The following RMND5A variants were observed in gnomAD, a reference collection of about 807,000 sequenced individuals.
RMND5A encodes the protein required for meiotic nuclear division 5 homolog A.
In RMND5A, 17 loss-of-function variants were observed where a neutral mutation model predicts 49.7. The ratio of observed to expected loss-of-function variants is 0.34; its 90% CI spans 0.23 to 0.51. The LOEUF (loss-of-function observed/expected upper bound fraction) is 0.51. RMND5A is among the 20% of genes least tolerant of loss of function. The pLI, the probability that RMND5A is intolerant of heterozygous loss-of-function variation, is 0.96. For missense variants in RMND5A, 255 were observed against 471.3 expected (o/e 0.54, Z 4.25); for synonymous variants, 156 against 167.7 (o/e 0.93, Z 0.54).
intron 4 of RMND5A, among the ~76,000 whole-genome samples, chr2:86,756,608 G>T (rs901617290): frequency 6.6e-6 from 1 of 152,164 alleles, no homozygotes; most frequent in African/African-American, 2.4e-5. Flanking sequence ...CCTATTGTGG[G>T]TGCAGAGCAG....
chr2:86,764,882 G>A, intron 4 of RMND5A, 145 bp from the exon 5 acceptor site: 1 of 661,162 alleles, frequency 1.5e-6, no homozygotes, highest in Non-Finnish European at 2.5e-6. Flanking sequence ...CCTGACAAAG[G>A]TCTGGGCCCT....
intron 6 of RMND5A, among the ~76,000 whole-genome samples, chr2:86,769,355 T>C (rs574031044): frequency 1.3e-5 from 2 of 152,336 alleles, no homozygotes; most frequent in South Asian, 4.1e-4. Flanking sequence ...AGTATCATTG[T>C]TCTAATTAGC....
chr2:86,750,879 A>G (rs1242194868), intron 2 of RMND5A, among the ~76,000 whole-genome samples: 1 of 151,692 alleles, frequency 6.6e-6, no homozygotes, highest in Non-Finnish European at 1.5e-5. Flanking sequence ...TCATCCAATG[A>G]ATTTTTTATT....
At chr2:86,750,566 T>C (rs1681616877) in intron 2 of RMND5A, among the ~76,000 whole-genome samples, 1 of 152,250 alleles carries the variant, frequency 6.6e-6, no homozygotes, top group African/African-American at 2.4e-5. Context: ...ACAGTTTGAA[T>C]GTGAGATGTT....
At chr2:86,755,102 GCAA>G (rs1345036482) in intron 4 of RMND5A, among the ~76,000 whole-genome samples, 1 of 150,870 alleles carries the variant, frequency 6.6e-6, no homozygotes, top group Non-Finnish European at 1.5e-5. Flanking sequence ...ACAAAATATG[GCAA>G]CAACTACTTT....
intron 8 of RMND5A, among the ~76,000 whole-genome samples, chr2:86,772,274 C>T (rs987288148): frequency 1.3e-5 from 2 of 152,014 alleles, no homozygotes; most frequent in Non-Finnish European, 2.9e-5. Flanking sequence ...ACGGTGAAAT[C>T]CCATCTCTAC....
intron 2 of RMND5A, among the ~76,000 whole-genome samples, chr2:86,750,819 G>T: frequency 6.8e-6 from 1 of 146,416 alleles, no homozygotes; most frequent in South Asian, 2.2e-4. Flanking sequence ...GAATTCTATT[G>T]ATTTTCACTG....
At chr2:86,749,932 A>T (rs1412771715) in intron 2 of RMND5A, among the ~76,000 whole-genome samples, 1 of 152,132 alleles carries the variant, frequency 6.6e-6, no homozygotes. Flanking sequence ...CTGCATTGTG[A>T]TTGTAAATAG....
intron 1 of RMND5A, among the ~76,000 whole-genome samples, chr2:86,737,550 C>T (rs1163484597): frequency 1.4e-5 from 1 of 72,050 alleles, no homozygotes; most frequent in Non-Finnish European, 2.6e-5. Flanking sequence ...CTGGTGATTT[C>T]ATATAGTCCC....
At chr2:86,753,849 C>T (rs1052266894) in intron 4 of RMND5A, among the ~76,000 whole-genome samples, 1 of 152,236 alleles carries the variant, frequency 6.6e-6, no homozygotes, top group Non-Finnish European at 1.5e-5. Context: ...GACATTACAA[C>T]AAGCACTATT....
chr2:86,751,823 A>G, intron 2 of RMND5A, 73 bp from the exon 3 acceptor site: 2 of 1,477,112 alleles, frequency 1.4e-6, no homozygotes, highest in Non-Finnish European at 1.8e-6. Context: ...GACTGAAACA[A>G]AGACCATTTT....
intron 1 of RMND5A, among the ~76,000 whole-genome samples, chr2:86,721,794 C>T (rs1407191274): frequency 6.7e-6 from 1 of 149,320 alleles, no homozygotes; most frequent in East Asian, 1.9e-4. Context: ...ATGTGAAGGA[C>T]GGTTTGGTAG....
At chr2:86,750,213 T>G (rs1021710488) in intron 2 of RMND5A, among the ~76,000 whole-genome samples, 2 of 152,258 alleles carry the variant, frequency 1.3e-5, no homozygotes, top group African/African-American at 4.8e-5. Flanking sequence ...ACGTTTGCTC[T>G]TCTTTCACTC....
intron 1 of RMND5A, among the ~76,000 whole-genome samples, chr2:86,735,408 GC>G (rs1242140727): frequency 1.3e-5 from 1 of 77,210 alleles, no homozygotes; most frequent in African/African-American, 6.2e-5. Flanking sequence ...TTTCCTGATA[GC>G]CAATCTTGTG....
Position 86,720,827 on chromosome 2 carries a change from G to C in RMND5A, c.142+18G>C, listed in dbSNP as rs74489582. The C allele has an allele frequency of 0.021, 33,359 of 1,566,080 alleles. 1,425 individuals are homozygous for C. The highest frequency in any genetic ancestry group is 0.14 in the Admixed American group (7,484 of 55,162). ...GAGCCACGGTAGGGCGGCCCGCGTGGGCGCGCGGGGCATGGCCCACTGCCC... is the reference window on the plus strand; with the variant it reads ...GAGCCACGGTAGGGCGGCCCGCGTGCGCGCGCGGGGCATGGCCCACTGCCC... On this transcript the variant is annotated intron_variant, in intron 1 of 8. Coordinates refer to ENST00000283632, the MANE Select transcript of RMND5A (RefSeq NM_022780.4).
chr2:86,753,330 C>G, intron 3 of RMND5A, 128 bp from the exon 4 acceptor site: 1 of 559,384 alleles, frequency 1.8e-6, no homozygotes. Context: ...GGGCAGTCAT[C>G]AGTCTCTACT....
chr2:86,752,053 G>A, intron 3 of RMND5A, 23 bp downstream of exon 3: 1 of 1,609,788 alleles, frequency 6.2e-7, no homozygotes, highest in Non-Finnish European at 8.5e-7. Context: ...CAACTGGGAG[G>A]ATATGAAAAA....
intron 5 of RMND5A, chr2:86,765,587 A>T: frequency 2.6e-6 from 1 of 384,160 alleles, no homozygotes; most frequent in Non-Finnish European, 4.7e-6. Flanking sequence ...TGATGACATA[A>T]TTGTTACTTC....
intron 4 of RMND5A, among the ~76,000 whole-genome samples, chr2:86,757,617 A>G (rs1050489635): frequency 3.9e-5 from 6 of 152,206 alleles, no homozygotes; most frequent in African/African-American, 1.4e-4. Flanking sequence ...CCTTGTAGCT[A>G]TGCCATTATT....
Sources: gnomAD v4.1 joint callset for allele counts (sites outside exome capture counted in the v4.1 genomes callset) on GRCh38, gnomAD v4.1.1 for gene constraint, MANE v1.5 for transcripts, NCBI Gene and HGNC (gene_info 2026-07-23, HGNC 2026-07-21) for gene names.